Variants in KMT5B observed in about 807,000 individuals in gnomAD.
The protein encoded by KMT5B is histone-lysine N-methyltransferase KMT5B.
KMT5B carries 10 observed loss-of-function variants against 83.2 expected under a neutral mutation model. The ratio of observed to expected loss-of-function variants is 0.12; its 90% CI spans 0.07 to 0.20. The LOEUF is 0.20. KMT5B is among the 10% of genes least tolerant of loss of function. The pLI, the probability that KMT5B is intolerant of heterozygous loss-of-function variation, is 1.00. For synonymous variants in KMT5B, 349 were observed against 388.8 expected (o/e 0.90, Z 1.20); for missense variants, 753 against 1,067.2 (o/e 0.71, Z 4.10).
At chr11:68,173,766 T>C (rs1252258616) in intron 6 of KMT5B, 38 bp downstream of exon 6, 1 of 1,279,658 alleles carries the variant, frequency 7.8e-7, no homozygotes, top group Non-Finnish European at 1.1e-6. Context: ...AAGAGAACTT[T>C]AAATTAAATT....
chr11:68,169,285 C>T (rs947675274), intron 9 of KMT5B, among the ~76,000 whole-genome samples: 1 of 152,080 alleles, frequency 6.6e-6, no homozygotes, highest in Non-Finnish European at 1.5e-5. Flanking sequence ...AGAGCTGTTT[C>T]GGTGTTGGTT....
intron 1 of KMT5B, among the ~76,000 whole-genome samples, chr11:68,207,099 G>C (rs572513259): frequency 6.6e-6 from 1 of 151,854 alleles, no homozygotes; most frequent in Non-Finnish European, 1.5e-5. Context: ...AAAATTAGCC[G>C]GGCATGGTGG....
At chr11:68,197,494 A>G (rs558053735) in intron 1 of KMT5B, among the ~76,000 whole-genome samples, 16 of 152,086 alleles carry the variant, frequency 1.1e-4, no homozygotes, top group Non-Finnish European at 4.4e-5. Flanking sequence ...GGAAATTATA[A>G]TATCAACCAA....
rs372882507 is a variant in KMT5B, at chr11:68,157,347, GCT to G, written c.*339_*340del. 234 of 185,206 alleles carry G rather than the reference GCT, an allele frequency of 1.3e-3. 1 individual carries two copies. The highest frequency in any genetic ancestry group is 5.0e-3 in the African/African-American group (215 of 42,916). The allele number at this position is 185,206 out of a possible 1,614,324, so 11.5% of individuals were successfully genotyped here. A position where few individuals can be genotyped will look rare whatever the true frequency, so the allele number is the denominator to read the frequency against. ...GTCATATATTAAAGAGCCAGCTGAT[GCT>G]CTTACAGTTAAAAAAACTGTGTAGC... On this transcript the variant is annotated 3_prime_UTR_variant, in exon 11 of 11. Coordinates refer to ENST00000304363, the MANE Select transcript of KMT5B (RefSeq NM_017635.5).
At chr11:68,189,845 C>T (rs1290890077) in intron 2 of KMT5B, 72 bp downstream of exon 2, 1 of 1,416,880 alleles carries the variant, frequency 7.1e-7, no homozygotes, top group East Asian at 2.4e-5. Context: ...AAACAGAATA[C>T]ACATTACAAA....
intron 9 of KMT5B, among the ~76,000 whole-genome samples, chr11:68,170,672 C>A (rs752829251): frequency 6.6e-6 from 1 of 152,202 alleles, no homozygotes; most frequent in Non-Finnish European, 1.5e-5. Context: ...GTGAACTCCA[C>A]TTGACATTTT....
upstream of KMT5B, chr11:68,213,463 A>C (rs1423981299): frequency 7.3e-6 from 1 of 137,602 alleles, no homozygotes; most frequent in Non-Finnish European, 1.6e-5. Context: ...GCGCCCCGCC[A>C]CCCGGGGCCT....
chr11:68,171,311 A>G lies in KMT5B; in HGVS notation c.821-60T>C. 1.3e-6 allele frequency: 2 copies of G among 1,576,070 alleles called. No individual in the cohort carries two copies. Among genetic ancestry groups the G allele is most frequent in the Non-Finnish European group, 1.7e-6 (2 of 1,153,544 alleles). On this transcript the variant is annotated intron_variant, in intron 7 of 10. Transcript: ENST00000304363. This position sits in a 1 kb window ranked among gnomAD's most constrained non-coding sequence, Gnocchi z 5.1. ...GTTGATAAGATCTGAAACACGAACA[A>G]TTATAGAAATCTGAAATAAGCTTTC...
intron 2 of KMT5B, among the ~76,000 whole-genome samples, chr11:68,187,311 G>A (rs1053678160): frequency 2.0e-5 from 3 of 151,952 alleles, no homozygotes; most frequent in Non-Finnish European, 4.4e-5. Context: ...TTTTTTTCAC[G>A]CAGGCATTTA....
At chr11:68,188,529 G>A (rs759221592) in intron 2 of KMT5B, among the ~76,000 whole-genome samples, 9 of 151,774 alleles carry the variant, frequency 5.9e-5, no homozygotes, top group African/African-American at 2.2e-4. Flanking sequence ...TTGTAGACAC[G>A]GTAGTTTTTG....
chr11:68,210,668 G>T (rs1159347835), intron 1 of KMT5B, among the ~76,000 whole-genome samples: 2 of 152,168 alleles, frequency 1.3e-5, no homozygotes, highest in Non-Finnish European at 2.9e-5. Context: ...GTCTCATTCG[G>T]AGACCGGCTA....
chr11:68,161,029 C>T (rs1348188280), intron 10 of KMT5B, among the ~76,000 whole-genome samples: 3 of 152,170 alleles, frequency 2.0e-5, no homozygotes, highest in Non-Finnish European at 4.4e-5. Context: ...GCAGAATTCA[C>T]AGCAAAGGGA....
chr11:68,204,225 A>C (rs547479485), intron 1 of KMT5B, among the ~76,000 whole-genome samples: 91 of 152,320 alleles, frequency 6.0e-4, no homozygotes, highest in Non-Finnish European at 1.1e-3. Flanking sequence ...TCTAAAGCAG[A>C]CTGTAGTATG....
At position 68,156,486 on chromosome 11, in the gene KMT5B, AATAAACTAAC is replaced by A. The variant is rs768947458; in HGVS notation, c.*1192_*1201del. Reference sequence around the variant, plus strand: ...TCAAAAAAATCTTTGATGTTTTCATAATAAACTAACATAAACTAACATAAGCCAAGAACTC... The same window carrying A: ...TCAAAAAAATCTTTGATGTTTTCATAATAAACTAACATAAGCCAAGAACTC... On this transcript the variant is annotated 3_prime_UTR_variant, in exon 11 of 11. Coordinates refer to ENST00000304363, the MANE Select transcript of KMT5B (RefSeq NM_017635.5). 5 of 152,668 alleles carry A rather than the reference AATAAACTAAC, an allele frequency of 3.3e-5. No homozygotes were observed. Among genetic ancestry groups the A allele is most frequent in the African/African-American group, 4.8e-5 (2 of 41,464 alleles). The allele number at this position is 152,668 out of a possible 1,614,324, so 9.5% of individuals were successfully genotyped here.
Position 68,190,080 on chromosome 11 carries a change from C to T in KMT5B, c.-4G>A. On this transcript the variant is annotated 5_prime_UTR_variant, in exon 2 of 11. Coordinates refer to ENST00000304363, the MANE Select transcript of KMT5B (RefSeq NM_017635.5). ...TGGATTCTCCCAACCACTTCATACC[C>T]ACAGACAGCCTGACCCAGGTGCATT... The T allele has an allele frequency of 6.2e-7, 1 of 1,613,144 alleles. No homozygotes were observed. The highest frequency in any genetic ancestry group is 1.7e-5 in the Admixed American group (1 of 59,852).
At chr11:68,169,701 G>A (rs1393266854) in intron 9 of KMT5B, among the ~76,000 whole-genome samples, 3 of 152,192 alleles carry the variant, frequency 2.0e-5, no homozygotes, top group Admixed American at 1.3e-4. Flanking sequence ...ATGAAATGCA[G>A]AGTTGCAGGA....
Position 68,157,731 on chromosome 11 carries a change from G to A in KMT5B, c.2615C>T (p.Ser872Phe). 1 of 1,604,458 alleles carries A rather than the reference G, an allele frequency of 6.2e-7. No homozygotes were observed. The highest frequency in any genetic ancestry group is 8.5e-7 in the Non-Finnish European group (1 of 1,175,388). The change falls in exon 11 of 11, where the codon TCT becomes TTT. Residue 872 changes from serine to phenylalanine, a missense_variant. Physicochemically the swap from Ser to Phe is radical, Grantham distance 155. This residue lies in a region of KMT5B where 161 missense variants were observed against 195.1 expected (regional missense o/e 0.83). Coordinates refer to ENST00000304363, the MANE Select transcript of KMT5B (RefSeq NM_017635.5). ...VGKDSIDIDI[S>F]SRRREDQSLR... ...AGACTGATCTTCTCTTCTCCTTGAA[G>A]AAATGTCAATATCTATAGAGTCTTT...
At chr11:68,196,061 G>A (rs1338046692) in intron 1 of KMT5B, among the ~76,000 whole-genome samples, 3 of 152,312 alleles carry the variant, frequency 2.0e-5, no homozygotes, top group East Asian at 3.9e-4. Context: ...GGAGGCTGAA[G>A]CAGGAGGATC....
intron 1 of KMT5B, among the ~76,000 whole-genome samples, chr11:68,212,931 C>G (rs1287879717): frequency 6.9e-6 from 1 of 145,912 alleles, no homozygotes; most frequent in Non-Finnish European, 1.5e-5. Context: ...GCGGCCACCA[C>G]TGCAGGCCCC....
Sources: allele counts gnomAD v4.1 joint callset (sites outside exome capture counted in the v4.1 genomes callset), GRCh38; gene constraint gnomAD v4.1.1; regional missense constraint gnomAD v4.1.1; non-coding constraint Gnocchi (gnomAD v3.1); transcripts MANE v1.5; gene names NCBI Gene and HGNC (gene_info 2026-07-23, HGNC 2026-07-21).